Variants in HS3ST5 observed in about 807,000 individuals in gnomAD.
HS3ST5 encodes the protein heparan sulfate-glucosamine 3-sulfotransferase 5.
Under a neutral mutation model 25.4 loss-of-function variants are expected in HS3ST5, and 10 were observed. That is an observed-to-expected ratio of 0.39 (90% CI 0.24 to 0.67). HS3ST5 has a LOEUF of 0.67. Ranked by LOEUF, HS3ST5 falls within the 30% of genes least tolerant of loss-of-function variation. The pLI is 0.44. For synonymous variants in HS3ST5, 170 were observed against 162.4 expected, an observed-to-expected ratio of 1.05 and a Z score of -0.36; for missense variants, 324 against 420.7, an observed-to-expected ratio of 0.77 and a Z score of 2.01.
intron 3 of HS3ST5, among the ~76,000 whole-genome samples, chr6:114,161,532 T>C (rs1438552223): frequency 2.6e-5 from 1 of 38,762 alleles, no homozygotes; most frequent in South Asian, 8.1e-4. Context: ...TATATATATA[T>C]ATATATATAT....
In HS3ST5 at chr6:114,287,619, A is replaced by G. The variant is rs1243837956; in HGVS notation, c.-339+54576T>C. On this transcript the variant is annotated intron_variant, in intron 1 of 4. Transcript: ENST00000312719. Reference sequence around the variant, plus strand: ...CAGAAGGTGAAAAAGAAGCATTTTGACTTGCTAGAAATCTTGTGGTATGGC... The same window carrying G: ...CAGAAGGTGAAAAAGAAGCATTTTGGCTTGCTAGAAATCTTGTGGTATGGC... Among the ~76,000 whole-genome samples, 3 of 152,090 alleles carry G rather than the reference A, an allele frequency of 2.0e-5. No individual in the cohort carries two copies. The East Asian group carries it at 5.8e-4, about 29-fold the overall frequency.
chr6:114,254,552 G>C (rs1179053698), intron 1 of HS3ST5, among the ~76,000 whole-genome samples: 2 of 152,192 alleles, frequency 1.3e-5, no homozygotes, highest in African/African-American at 4.8e-5. Context: ...AGTTGTATTA[G>C]TCCTTTTTCA....
intron 3 of HS3ST5, among the ~76,000 whole-genome samples, chr6:114,151,597 T>A (rs1778453479): frequency 6.6e-6 from 1 of 152,240 alleles, no homozygotes; most frequent in South Asian, 2.1e-4. Flanking sequence ...ATTAGCTTTC[T>A]GGTAAATGGG....
At chr6:114,111,284 A>G (rs1776254468) in intron 3 of HS3ST5, among the ~76,000 whole-genome samples, 1 of 152,212 alleles carries the variant, frequency 6.6e-6, no homozygotes, top group African/African-American at 2.4e-5. Context: ...GTGCAATGAG[A>G]TGGCACATAT....
intron 2 of HS3ST5, among the ~76,000 whole-genome samples, chr6:114,211,513 G>T (rs1233375489): frequency 6.6e-6 from 1 of 152,074 alleles, no homozygotes; most frequent in African/African-American, 2.4e-5. Context: ...CATTTTATAT[G>T]ATGGCTATAT....
At chr6:114,067,250 A>G (rs573659623) in intron 3 of HS3ST5, among the ~76,000 whole-genome samples, 10 of 152,206 alleles carry the variant, frequency 6.6e-5, no homozygotes, top group Non-Finnish European at 1.5e-4. Context: ...TGTCCATTGT[A>G]TAAATAATTA....
At chr6:114,123,151 C>T (rs1266350573) in intron 3 of HS3ST5, among the ~76,000 whole-genome samples, 1 of 152,202 alleles carries the variant, frequency 6.6e-6, no homozygotes, top group African/African-American at 2.4e-5. Flanking sequence ...CGGGGTTTCT[C>T]CATGTTGGTC....
At chr6:114,089,472 C>T (rs1775012810) in intron 3 of HS3ST5, among the ~76,000 whole-genome samples, 1 of 152,154 alleles carries the variant, frequency 6.6e-6, no homozygotes, top group Admixed American at 6.5e-5. Flanking sequence ...TGGTCCCTTT[C>T]ATACATTTAT....
intron 1 of HS3ST5, among the ~76,000 whole-genome samples, chr6:114,262,225 G>A (rs562851159): frequency 3.8e-4 from 58 of 152,224 alleles, no homozygotes; most frequent in Admixed American, 3.3e-4. Context: ...TCTCGTCTCA[G>A]GAAAAGACTA....
At chr6:114,255,394 G>T (rs539037046) in intron 1 of HS3ST5, among the ~76,000 whole-genome samples, 64 of 152,226 alleles carry the variant, frequency 4.2e-4, no homozygotes, top group African/African-American at 1.5e-3. Context: ...CACAGACACC[G>T]CTGAGTGTCT....
chr6:114,147,587 G>A (rs750348880), intron 3 of HS3ST5, among the ~76,000 whole-genome samples: 4 of 151,806 alleles, frequency 2.6e-5, no homozygotes, highest in Non-Finnish European at 4.4e-5. Context: ...TTTTTTGAGG[G>A]GTGGCGGAGA....
intron 1 of HS3ST5, among the ~76,000 whole-genome samples, chr6:114,270,111 G>C (rs1276497988): frequency 6.6e-6 from 1 of 152,172 alleles, no homozygotes; most frequent in African/African-American, 2.4e-5. Flanking sequence ...GTCTGTGGAC[G>C]ATGTCAGGAA....
chr6:114,123,114 G>A (rs1000229575), intron 3 of HS3ST5, among the ~76,000 whole-genome samples: 19 of 152,030 alleles, frequency 1.2e-4, no homozygotes, highest in African/African-American at 3.4e-4. Flanking sequence ...CCACCGCACC[G>A]GGCTAATTTT....
At chr6:114,253,948 G>C (rs1273519524) in intron 1 of HS3ST5, among the ~76,000 whole-genome samples, 2 of 152,264 alleles carry the variant, frequency 1.3e-5, no homozygotes, top group African/African-American at 4.8e-5. Flanking sequence ...GCAATTTAGA[G>C]ATTGTGTGCA....
In HS3ST5 at chr6:114,056,493, A is replaced by G. The variant is rs1772778667; in HGVS notation, c.*764T>C. The G allele has an allele frequency of 1.3e-5, 2 of 152,184 alleles. No individual in the cohort carries two copies. Among genetic ancestry groups the G allele is most frequent in the Non-Finnish European group, 2.9e-5 (2 of 68,026 alleles). 9.4% of individuals were successfully genotyped at this position (152,184 alleles called of 1,614,324 possible). On this transcript the variant is annotated 3_prime_UTR_variant, in exon 5 of 5. Transcript: ENST00000312719. ...ATTTTAATCCATTCCATTTTTAAAT[A>G]CCACAATAAATTTAATTTTCACAAT...
At chr6:114,188,358 G>T (rs1220396248) in intron 2 of HS3ST5, among the ~76,000 whole-genome samples, 8 of 152,188 alleles carry the variant, frequency 5.3e-5, no homozygotes, top group Non-Finnish European at 8.8e-5. Flanking sequence ...ACAATTGATA[G>T]TTACATGTTT....
At chr6:114,319,196 C>T (rs1415134253) in intron 1 of HS3ST5, among the ~76,000 whole-genome samples, 1 of 152,088 alleles carries the variant, frequency 6.6e-6, no homozygotes, top group Non-Finnish European at 1.5e-5. Flanking sequence ...TATAAGAATT[C>T]AGAATGTTTA....
rs1777479510 is a variant in HS3ST5 at position 114,134,123 on chromosome 6, C to G, written c.-33+34228G>C. On this transcript the variant is annotated intron_variant, in intron 3 of 4. Transcript: ENST00000312719. ...GTCAAGAAACTGGCAAGCCTTGTGT[C>G]TGGAGGGCAGGGTAAGGACTTGCAT... is the stretch of plus-strand genomic sequence containing the variant. 1.3e-5 allele frequency among the ~76,000 whole-genome samples: 2 copies of G among 152,114 alleles called. 1 individual carries two copies. Among genetic ancestry groups the G allele is most frequent in the South Asian group, 4.1e-4 (2 of 4,828 alleles).
chr6:114,306,252 T>TAC (rs1313732393), intron 1 of HS3ST5, among the ~76,000 whole-genome samples: 1 of 112,478 alleles, frequency 8.9e-6, no homozygotes, highest in African/African-American at 4.0e-5. Flanking sequence ...TATATATATA[T>TAC]ATATACACAC....
Sources: allele counts gnomAD v4.1 joint callset (sites outside exome capture counted in the v4.1 genomes callset), GRCh38; gene constraint gnomAD v4.1.1; transcripts MANE v1.5; gene names NCBI Gene and HGNC (gene_info 2026-07-23, HGNC 2026-07-21).